Variants in SMARCA2 observed in about 807,000 individuals in gnomAD.
SMARCA2 encodes the protein SWI/SNF-related matrix-associated actin-dependent regulator of chromatin subfamily A member 2.
Under a neutral mutation model 199.8 loss-of-function variants are expected in SMARCA2, and 61 were observed. That is an observed-to-expected ratio of 0.31 (90% CI 0.25 to 0.38). The LOEUF is 0.38. Among genes scored for constraint, SMARCA2 ranks in the 10% least tolerant of loss-of-function variants. The pLI, the probability that SMARCA2 is intolerant of heterozygous loss-of-function variation, is 1.00. For synonymous variants in SMARCA2, 935 were observed against 732.0 expected, an observed-to-expected ratio of 1.28 and a Z score of -4.48; for missense variants, 1,344 against 2,012.2, an observed-to-expected ratio of 0.67 and a Z score of 6.35.
At chr9:2,073,751 C>A in intron 12 of SMARCA2, 128 bp downstream of exon 12, 1 of 679,574 alleles carries the variant, frequency 1.5e-6, no homozygotes, top group Non-Finnish European at 2.6e-6. Flanking sequence ...CTTTGGGTGA[C>A]AGCTGGGGCT....
chr9:2,160,142 G>T, intron 27 of SMARCA2: 1 of 545,396 alleles, frequency 1.8e-6, no homozygotes, highest in South Asian at 2.6e-5. Context: ...TCGCTTAGCT[G>T]CAGTGTGTTT....
chr9:2,059,791 C>A (rs1325408702), intron 8 of SMARCA2, among the ~76,000 whole-genome samples: 1 of 152,150 alleles, frequency 6.6e-6, no homozygotes, highest in African/African-American at 2.4e-5. Context: ...GCTAGAGTGA[C>A]ACCCCTGGAC....
rs552897395 is a variant in SMARCA2, at chr9:2,031,634, C to T, written c.226-1318C>T. On this transcript the variant is annotated intron_variant, in intron 2 of 33. Coordinates refer to ENST00000349721, the MANE Select transcript of SMARCA2 (RefSeq NM_003070.5). ...TCCTAGCATTTTTATTACACTTTCT[C>T]ATATTCTCTCTACCCTCTTAAATAC... is the stretch of plus-strand genomic sequence containing the variant. Among the ~76,000 whole-genome samples the T allele has an allele frequency of 7.9e-5, 12 of 152,246 alleles. No homozygotes were observed. In the South Asian group the frequency reaches 2.5e-3, roughly 32 times the overall value.
At chr9:2,043,372 T>TA (rs1177874250) in intron 4 of SMARCA2, 2 of 152,244 alleles carry the variant, frequency 1.3e-5, no homozygotes, top group Non-Finnish European at 2.9e-5. Context: ...CAGCCACTCT[T>TA]ACGATGGAAT....
At chr9:2,018,847 G>T (rs141818115) in intron 1 of SMARCA2, among the ~76,000 whole-genome samples, 5 of 152,214 alleles carry the variant, frequency 3.3e-5, no homozygotes, top group African/African-American at 1.2e-4. Flanking sequence ...TTATCAGGGG[G>T]GCCACAACCA....
chr9:2,159,891 G>T (rs776600423), intron 27 of SMARCA2: 3 of 1,611,670 alleles, frequency 1.9e-6, no homozygotes, highest in Non-Finnish European at 2.5e-6. Flanking sequence ...CTGATAGCCG[G>T]CCTGCTGATA....
At position 2,178,283 on chromosome 9, in the gene SMARCA2, C is replaced by G. The variant is rs909256442; in HGVS notation, c.4254-3288C>G. On this transcript the variant is annotated intron_variant, in intron 29 of 33. Coordinates refer to ENST00000349721, the MANE Select transcript of SMARCA2 (RefSeq NM_003070.5). ...TATTTCAAGTTGTACCCCTCCCCCACTTACCCCATGTCTCATCAGAGCCAT... is the reference window on the plus strand; with the variant it reads ...TATTTCAAGTTGTACCCCTCCCCCAGTTACCCCATGTCTCATCAGAGCCAT... Among the ~76,000 whole-genome samples the G allele has an allele frequency of 3.3e-5, 5 of 152,168 alleles. No homozygotes were observed. In the East Asian group the frequency reaches 9.7e-4, roughly 29 times the overall value.
At chr9:2,178,928 G>A (rs186577066) in intron 29 of SMARCA2, among the ~76,000 whole-genome samples, 133 of 152,286 alleles carry the variant, frequency 8.7e-4, no homozygotes, top group African/African-American at 3.1e-3. Context: ...CACCCTGTAG[G>A]GAGGAGAGAA....
intron 1 of SMARCA2, among the ~76,000 whole-genome samples, chr9:2,019,337 C>G (rs1373045147): frequency 6.6e-6 from 1 of 152,150 alleles, no homozygotes; most frequent in Non-Finnish European, 1.5e-5. Flanking sequence ...AGCATCAGGA[C>G]TAGGTGCACT....
chr9:2,048,326 G>C (rs928153421), intron 5 of SMARCA2, among the ~76,000 whole-genome samples: 9 of 152,194 alleles, frequency 5.9e-5, no homozygotes, highest in Non-Finnish European at 1.2e-4. Flanking sequence ...TGTGTCATCA[G>C]TAACTTCTTA....
At chr9:2,079,026 A>G (rs117707944) in intron 14 of SMARCA2, among the ~76,000 whole-genome samples, 9,341 of 152,298 alleles carry the variant, frequency 0.061, 370 homozygotes, top group Non-Finnish European at 0.095. Flanking sequence ...TAAGATTACC[A>G]TATAAATTAC....
At chr9:2,130,870 G>A (rs557040024) in intron 27 of SMARCA2, among the ~76,000 whole-genome samples, 3 of 152,296 alleles carry the variant, frequency 2.0e-5, no homozygotes, top group Non-Finnish European at 4.4e-5. Flanking sequence ...ACGGTTTTCC[G>A]GTTTAATGTC....
chr9:2,044,231 G>C (rs974761863), intron 4 of SMARCA2: 5 of 152,190 alleles, frequency 3.3e-5, no homozygotes, highest in Non-Finnish European at 5.9e-5. Flanking sequence ...ACAATCTGTC[G>C]GAGGGAAGAG....
intron 28 of SMARCA2, among the ~76,000 whole-genome samples, chr9:2,166,814 C>T (rs1210165191): frequency 6.6e-6 from 1 of 152,130 alleles, no homozygotes; most frequent in Non-Finnish European, 1.5e-5. Flanking sequence ...TCTCATGTCA[C>T]CCACATTTAT....
At chr9:2,120,527 A>C (rs1003762756) in intron 26 of SMARCA2, among the ~76,000 whole-genome samples, 1 of 152,210 alleles carries the variant, frequency 6.6e-6, no homozygotes, top group Admixed American at 6.5e-5. Flanking sequence ...CTGCATGCCA[A>C]ACAAAACACA....
chr9:2,184,532 T>TTTAGTAGAGATGGGGTTTC (rs1225573096), intron 31 of SMARCA2, among the ~76,000 whole-genome samples: 1 of 151,770 alleles, frequency 6.6e-6, no homozygotes, highest in Non-Finnish European at 1.5e-5. Context: ...TTGTATTTTT[T>TTTAGTAGAGATGGGGTTTC]TTAGTAGAGA....
chr9:2,169,955 CCTT>C lies in SMARCA2; in HGVS notation c.4200-460_4200-458del, dbSNP rs780295962. Among the ~76,000 whole-genome samples the C allele has an allele frequency of 2.0e-5, 3 of 152,176 alleles. No homozygotes were observed. In the South Asian group the frequency reaches 6.2e-4, roughly 32 times the overall value. ...CCCAAATTGGCTGATGCTTGGAATA[CCTT>C]CTTTGTGCAGGCTACTGTAAGAAAG... On this transcript the variant is annotated intron_variant, in intron 28 of 33. Transcript: ENST00000349721. The surrounding 1 kb of genome is among the most constrained non-coding windows in gnomAD (Gnocchi z 6.5).
chr9:2,151,845 A>T (rs1311969989), intron 27 of SMARCA2, among the ~76,000 whole-genome samples: 1 of 152,202 alleles, frequency 6.6e-6, no homozygotes, highest in African/African-American at 2.4e-5. Context: ...AAATTGCGCT[A>T]GGAACAGAAA....
intron 31 of SMARCA2, among the ~76,000 whole-genome samples, chr9:2,183,164 C>G (rs1047895397): frequency 6.6e-6 from 1 of 152,174 alleles, no homozygotes; most frequent in Admixed American, 6.5e-5. Context: ...CTGGCAGTAC[C>G]ATTTTTGCTT....
Sources: gnomAD v4.1 joint callset for allele counts (sites outside exome capture counted in the v4.1 genomes callset) on GRCh38, gnomAD v4.1.1 for gene constraint, Gnocchi (gnomAD v3.1) non-coding constraint, MANE v1.5 for transcripts, NCBI Gene and HGNC (gene_info 2026-07-23, HGNC 2026-07-21) for gene names.